ATRX: variants seen among roughly 807,000 people sequenced by gnomAD.
ATRX encodes the protein ATRX chromatin remodeler.
ATRX carries 12 observed loss-of-function variants against 172.6 expected under a neutral mutation model. The observed-to-expected ratio is 0.07, with a 90% CI of 0.04 to 0.11. ATRX has a LOEUF of 0.11. Ranked by LOEUF, ATRX falls within the 10% of genes least tolerant of loss-of-function variation. The pLI is 1.00. For synonymous variants in ATRX, 674 were observed against 594.7 expected, an observed-to-expected ratio of 1.13 and a Z score of -1.94; for missense variants, 1,368 against 1,767.4, an observed-to-expected ratio of 0.77 and a Z score of 4.05.
At chrX:77,529,510 T>G (rs1192873421) in intron 30 of ATRX, among the ~76,000 whole-genome samples, 1 of 111,277 alleles carries the variant, frequency 9.0e-6, no homozygotes, top group African/African-American at 3.3e-5. Flanking sequence ...TATTCAACAT[T>G]CTTAAATAAA....
At position 77,599,764 on chromosome X, in the gene ATRX, G is replaced by A. The variant is rs1569528841; in HGVS notation, c.5754C>T (p.Thr1918=). Residue 1918 remains threonine, a synonymous_variant, in exon 24 of 35, where the codon ACC becomes ACT. Transcript: ENST00000373344. ...DEFIASDSDE[T]SMSLSSDDYT... ...AATCATCGGAGCTTAAACTCATGGAGGTTTCATCAGAATCTGAGGCTATAA... is the reference window on the plus strand; with the variant it reads ...AATCATCGGAGCTTAAACTCATGGAAGTTTCATCAGAATCTGAGGCTATAA... 8.3e-7 allele frequency: 1 copy of A among 1,209,710 alleles called. No individual in the cohort carries two copies. The highest frequency in any genetic ancestry group is 1.1e-6 in the Non-Finnish European group (1 of 894,273).
chrX:77,522,394 A>G lies in ATRX; in HGVS notation c.6850-6T>C. On this transcript the variant is annotated splice_region_variant and splice_polypyrimidine_tract_variant and intron_variant, in intron 31 of 34. Transcript: ENST00000373344. Reference sequence around the variant, plus strand: ...TTGAAACGCATGGTCAGTCCCTAAAAACAAAAAAATTATGCACTTTTCACA... The same window carrying G: ...TTGAAACGCATGGTCAGTCCCTAAAGACAAAAAAATTATGCACTTTTCACA... The G allele has an allele frequency of 8.3e-7, 1 of 1,209,461 alleles. No homozygotes were observed. The highest frequency in any genetic ancestry group is 1.1e-6 in the Non-Finnish European group (1 of 893,863).
chrX:77,738,572 T>C (rs2074708188), intron 1 of ATRX, among the ~76,000 whole-genome samples: 1 of 98,516 alleles, frequency 1.0e-5, no homozygotes, highest in Non-Finnish European at 2.1e-5. Flanking sequence ...TTTTTTTTTT[T>C]TTTTTTTTGG....
At chrX:77,524,877 C>G (rs1557043125) in intron 30 of ATRX, among the ~76,000 whole-genome samples, 1 of 109,150 alleles carries the variant, frequency 9.2e-6, no homozygotes, top group Admixed American at 9.8e-5. Flanking sequence ...TCCCGAGTAG[C>G]TAGGACTACA....
rs2067368640 is a variant in ATRX at position 77,616,628 on chromosome X, A to G, written c.5551T>C (p.Leu1851=). The G allele has an allele frequency of 1.7e-6, 2 of 1,189,511 alleles. No homozygotes were observed. Among genetic ancestry groups the G allele is most frequent in the South Asian group, 1.8e-5 (1 of 56,443 alleles). ...SIQCKLYQYY[L]DHLTGVGNNS... Reference sequence around the variant, plus strand: ...TATTGTTTACCTGTTAAGTGATCTAAGTAGTACTGATAGAGCTTGCACTGA... The same window carrying G: ...TATTGTTTACCTGTTAAGTGATCTAGGTAGTACTGATAGAGCTTGCACTGA... Residue 1851 remains leucine (L), a synonymous_variant, in exon 22 of 35, where the codon TTA becomes CTA. Coordinates refer to ENST00000373344, the MANE Select transcript of ATRX (RefSeq NM_000489.6).
intron 1 of ATRX, among the ~76,000 whole-genome samples, chrX:77,770,864 T>C (rs2076129977): frequency 8.9e-6 from 1 of 112,086 alleles, no homozygotes. Context: ...ACATATGACA[T>C]CTAGTTTTAG....
chrX:77,561,402 C>T (rs2147964290), intron 28 of ATRX, among the ~76,000 whole-genome samples: 1 of 110,615 alleles, frequency 9.0e-6, no homozygotes, highest in South Asian at 3.9e-4. Context: ...CTACCCAATA[C>T]CTTTTTTAGA....
chrX:77,644,967 C>T (rs2068836484), intron 15 of ATRX, among the ~76,000 whole-genome samples: 3 of 111,098 alleles, frequency 2.7e-5, no homozygotes, highest in South Asian at 3.8e-4. Flanking sequence ...CACAAACTGT[C>T]GAAGGCCAAA....
intron 30 of ATRX, among the ~76,000 whole-genome samples, chrX:77,547,985 A>G (rs781795329): frequency 1.8e-5 from 2 of 112,198 alleles, no homozygotes; most frequent in Non-Finnish European, 3.8e-5. Flanking sequence ...ACAATTATGG[A>G]AACAAAAACA....
At chrX:77,626,952 G>A (rs549585505) in intron 19 of ATRX, among the ~76,000 whole-genome samples, 4 of 112,188 alleles carry the variant, frequency 3.6e-5, no homozygotes, top group South Asian at 3.7e-4. Flanking sequence ...TAAGCCAGGC[G>A]CGGTGGCTCA....
chrX:77,685,279 A>C (rs1248929652), intron 7 of ATRX, among the ~76,000 whole-genome samples: 1 of 111,947 alleles, frequency 8.9e-6, no homozygotes, highest in Non-Finnish European at 1.9e-5. Context: ...ACATTTTGCA[A>C]AGTGCCCATC....
chrX:77,742,469 A>G (rs1345305929), intron 1 of ATRX, among the ~76,000 whole-genome samples: 1 of 111,976 alleles, frequency 8.9e-6, no homozygotes, highest in African/African-American at 3.2e-5. Context: ...GGGAACTGTG[A>G]GACCCTGGAG....
chrX:77,749,057 C>T (rs2075204032), intron 1 of ATRX, among the ~76,000 whole-genome samples: 1 of 110,860 alleles, frequency 9.0e-6, no homozygotes, highest in African/African-American at 3.3e-5. Flanking sequence ...ACCCATCACC[C>T]AAATACTGAA....
intron 1 of ATRX, among the ~76,000 whole-genome samples, chrX:77,770,470 G>A (rs2076117732): frequency 1.8e-5 from 2 of 111,321 alleles, no homozygotes; most frequent in African/African-American, 3.3e-5. Context: ...ACCATCATCA[G>A]TAATGGGACC....
intron 1 of ATRX, among the ~76,000 whole-genome samples, chrX:77,766,141 T>G (rs1359881962): frequency 2.7e-5 from 3 of 111,695 alleles, no homozygotes; most frequent in Non-Finnish European, 5.7e-5. Context: ...TCCCCACCTT[T>G]CCCCCCTTTC....
At chrX:77,783,395 A>T (rs1374228309) in intron 1 of ATRX, among the ~76,000 whole-genome samples, 1 of 111,868 alleles carries the variant, frequency 8.9e-6, no homozygotes, top group Non-Finnish European at 1.9e-5. Context: ...AAATCCTTTA[A>T]AAACAACAAA....
Position 77,682,060 on chromosome X carries a change from T to C in ATRX, c.3196A>G (p.Lys1066Glu), listed in dbSNP as rs1557138007. The C allele has an allele frequency of 2.5e-6, 3 of 1,211,057 alleles. No individual in the cohort carries two copies. The Admixed American group carries it at 6.5e-5, about 26-fold the overall frequency. ...KKDELSDYAEKSTGKGDSCDS... is the reference protein window; with the variant it reads ...KKDELSDYAEESTGKGDSCDS... ...CAACTATCTCCTTTCCCTGTTGACT[T>C]CTCAGCATAATCAGATAATTCATCC... Residue 1066 changes from lysine (K) to glutamate (E), a missense_variant, in exon 9 of 35, where the codon AAG (lysine) becomes GAG (glutamate). Transcript: ENST00000373344.
chrX:77,764,221 C>G (rs533353176), intron 1 of ATRX, among the ~76,000 whole-genome samples: 25 of 112,331 alleles, frequency 2.2e-4, no homozygotes, highest in African/African-American at 8.1e-4. Flanking sequence ...AAAGGTATAA[C>G]TAATCCTGGC....
chrX:77,746,683 T>C (rs1467316065), intron 1 of ATRX, among the ~76,000 whole-genome samples: 2 of 112,611 alleles, frequency 1.8e-5, no homozygotes, highest in Admixed American at 1.9e-4. Context: ...AAAAGTCCTA[T>C]AGGTCTGTTT....
Sources: gnomAD v4.1 joint callset for allele counts (sites outside exome capture counted in the v4.1 genomes callset) on GRCh38, gnomAD v4.1.1 for gene constraint, MANE v1.5 for transcripts, NCBI Gene and HGNC (gene_info 2026-07-23, HGNC 2026-07-21) for gene names.